TMC8: variants seen among roughly 807,000 people sequenced by gnomAD.
The protein encoded by TMC8 is transmembrane channel-like protein 8.
A neutral mutation model predicts 76.0 loss-of-function variants in TMC8; 71 were observed. The observed-to-expected ratio is 0.93, with a 90% CI of 0.77 to 1.14. The LOEUF is 1.14. TMC8 is among the 50% of genes most tolerant of loss of function. TMC8 has a pLI of 0.00. For synonymous variants in TMC8, 433 were observed against 433.8 expected, an observed-to-expected ratio of 1.00 and a Z score of 0.02; for missense variants, 924 against 947.9, an observed-to-expected ratio of 0.97 and a Z score of 0.33.
In TMC8 at chr17:78,132,260, C is replaced by T. The variant is rs1217567815; in HGVS notation, c.299-99C>T. ...CGGACTCGGGCGGGTGGGAGCCTGG[C>T]GGGCACCCCACGCCGTCCGGTGGGC... On this transcript the variant is annotated intron_variant, in intron 3 of 15. Coordinates refer to ENST00000318430, the MANE Select transcript of TMC8 (RefSeq NM_152468.5). The T allele has an allele frequency of 3.4e-6, 5 of 1,479,620 alleles. No homozygotes were observed. The South Asian group carries it at 3.5e-5, about 10-fold the overall frequency. The allele number at this position is 1,479,620 out of a possible 1,614,324, so 91.7% of individuals were successfully genotyped here.
Position 78,140,864 on chromosome 17 carries a change from G to A in TMC8, c.1933G>A (p.Asp645Asn), listed in dbSNP as rs1458623590. Residue 645 changes from aspartate to asparagine, a missense_variant, in exon 16 of 16, where the codon GAC (aspartate) becomes AAC (asparagine). Transcript: ENST00000318430. ...QVQEKWHLVEDLSRLLPEPGP... is the reference protein window; with the variant it reads ...QVQEKWHLVENLSRLLPEPGP... ...TCAGGAGAAGTGGCACCTGGTGGAG[G>A]ACCTGTCGCGACTGCTGCCGGAGCC... is the stretch of plus-strand genomic sequence containing the variant. The A allele has an allele frequency of 6.8e-6, 11 of 1,610,258 alleles. No homozygotes were observed. Among genetic ancestry groups the A allele is most frequent in the Non-Finnish European group, 9.3e-6 (11 of 1,178,974 alleles).
In TMC8 at chr17:78,141,276, G is replaced by A. The variant is rs577946168; in HGVS notation, c.*164G>A. ...CCCAGCGGCAGCAGGAAAAACATAT[G>A]GGAATTTTCTTTCTATATTTTAATC... On this transcript the variant is annotated 3_prime_UTR_variant, in exon 16 of 16. Transcript: ENST00000318430. 26 of 411,404 alleles carry A rather than the reference G, an allele frequency of 6.3e-5. No individual in the cohort carries two copies. Among genetic ancestry groups the A allele is most frequent in the Middle Eastern group, 6.0e-4 (1 of 1,660 alleles). The allele number at this position is 411,404 out of a possible 1,614,324, so 25.5% of individuals were successfully genotyped here. A position where few individuals can be genotyped will look rare whatever the true frequency, so the allele number is the denominator to read the frequency against.
At chr17:78,137,443 C>G in intron 10 of TMC8, 85 bp downstream of exon 10, 1 of 1,603,726 alleles carries the variant, frequency 6.2e-7, no homozygotes, top group Non-Finnish European at 8.5e-7. Context: ...CTGTTCCTGC[C>G]CCTTTAGTCA....
Position 78,131,541 on chromosome 17 carries a change from C to T in TMC8, c.-48C>T, listed in dbSNP as rs1460418043. The T allele has an allele frequency of 2.6e-6, 4 of 1,536,296 alleles. No individual in the cohort carries two copies. Among genetic ancestry groups the T allele is most frequent in the Non-Finnish European group, 2.6e-6 (3 of 1,146,198 alleles). ...GCTCATCCAACCGGGGACTCATATCCCCCCCACCGGCAGCCCGGCGCCCCA... is the reference window on the plus strand; with the variant it reads ...GCTCATCCAACCGGGGACTCATATCTCCCCCACCGGCAGCCCGGCGCCCCA... On this transcript the variant is annotated 5_prime_UTR_variant, in exon 2 of 16. Coordinates refer to ENST00000318430, the MANE Select transcript of TMC8 (RefSeq NM_152468.5).
Position 78,141,711 on chromosome 17 carries a change from G to A in TMC8, c.*599G>A. On this transcript the variant is annotated 3_prime_UTR_variant, in exon 16 of 16. Coordinates refer to ENST00000318430, the MANE Select transcript of TMC8 (RefSeq NM_152468.5). The stretch of plus-strand genomic sequence containing the variant: ...CTCCAGAGCCACACTGCCCCAGTGT[G>A]GGGCTTAGTGGCGGCTCCTGGCCCT... 1 of 152,300 alleles carries A rather than the reference G, an allele frequency of 6.6e-6. No individual in the cohort carries two copies. The highest frequency in any genetic ancestry group is 1.5e-5 in the Non-Finnish European group (1 of 68,062). The allele number at this position is 152,300 out of a possible 1,614,324, so 9.4% of individuals were successfully genotyped here.
chr17:78,138,002 C>T lies in TMC8; in HGVS notation c.1350-3C>T. ...GAGTACCTGGACCCTCCCATCCCTG[C>T]AGGCTGCTGGTGGACCGGTTCTCAG... is the stretch of plus-strand genomic sequence containing the variant. On this transcript the variant is annotated splice_region_variant and splice_polypyrimidine_tract_variant and intron_variant, in intron 11 of 15. Transcript: ENST00000318430. 1 of 1,613,840 alleles carries T rather than the reference C, an allele frequency of 6.2e-7. No individual in the cohort carries two copies. The highest frequency in any genetic ancestry group is 8.5e-7 in the Non-Finnish European group (1 of 1,180,012).
chr17:78,138,850 A>G, intron 14 of TMC8, 118 bp downstream of exon 14: 4 of 1,552,076 alleles, frequency 2.6e-6, no homozygotes, highest in Non-Finnish European at 3.5e-6. Flanking sequence ...AGCCAAGGGA[A>G]GCAGGGGCCT....
chr17:78,135,840 G>A (rs191499977), intron 9 of TMC8, among the ~76,000 whole-genome samples: 22 of 152,208 alleles, frequency 1.4e-4, no homozygotes, highest in Admixed American at 3.9e-4. Flanking sequence ...GATCACCTGA[G>A]GTCAGGAGTT....
In TMC8 at chr17:78,142,914, CAA is replaced by C. The variant is rs1455301727; in HGVS notation, c.*1804_*1805del. 1 of 150,772 alleles carries C rather than the reference CAA, an allele frequency of 6.6e-6. No homozygotes were observed. Among genetic ancestry groups the C allele is most frequent in the Non-Finnish European group, 1.5e-5 (1 of 67,926 alleles). The allele number at this position is 150,772 out of a possible 1,614,324, so 9.3% of individuals were successfully genotyped here. ...CTCGGTGTGCTCACCCAGGGCGAGA[CAA>C]AGACGCCATGCTCCTCCAAGTGGCC... is the stretch of plus-strand genomic sequence containing the variant. On this transcript the variant is annotated 3_prime_UTR_variant, in exon 16 of 16. Coordinates refer to ENST00000318430, the MANE Select transcript of TMC8 (RefSeq NM_152468.5).
chr17:78,133,334 G>A, intron 5 of TMC8, 72 bp from the exon 6 acceptor site: 2 of 1,610,872 alleles, frequency 1.2e-6, no homozygotes. Flanking sequence ...GGGCTAACAA[G>A]ATCATATATG....
chr17:78,137,631 A>G, intron 10 of TMC8, 86 bp from the exon 11 acceptor site: 1 of 1,288,970 alleles, frequency 7.8e-7, no homozygotes, highest in Non-Finnish European at 1.1e-6. Context: ...AGGCACCTGC[A>G]CCACAGAAAC....
chr17:78,140,071 A>G (rs2075335402), intron 15 of TMC8, among the ~76,000 whole-genome samples: 1 of 152,232 alleles, frequency 6.6e-6, no homozygotes, highest in Non-Finnish European at 1.5e-5. Context: ...AACATGGCTG[A>G]GTGCAGTGGC....
rs2075357931 is a variant in TMC8 at position 78,140,831 on chromosome 17, C to T, written c.1903-3C>T. Reference sequence around the variant, plus strand: ...CGCAACTCGCCACTTGTTCTCCTCACAGCAGGTTCAGGAGAAGTGGCACCT... The same window carrying T: ...CGCAACTCGCCACTTGTTCTCCTCATAGCAGGTTCAGGAGAAGTGGCACCT... On this transcript the variant is annotated splice_region_variant and splice_polypyrimidine_tract_variant and intron_variant, in intron 15 of 15. Transcript: ENST00000318430. 24 of 1,605,748 alleles carry T rather than the reference C, an allele frequency of 1.5e-5. No homozygotes were observed. The highest frequency in any genetic ancestry group is 2.0e-5 in the Non-Finnish European group (24 of 1,177,110).
Position 78,137,991 on chromosome 17 carries a change from T to G in TMC8, c.1350-14T>G, listed in dbSNP as rs11656593. 61,016 of 1,613,508 alleles carry G rather than the reference T, an allele frequency of 0.038. 1,453 individuals carry two copies. Among genetic ancestry groups the G allele is most frequent in the South Asian group, 0.085 (7,739 of 91,066 alleles). On this transcript the variant is annotated splice_polypyrimidine_tract_variant and intron_variant, in intron 11 of 15. Transcript: ENST00000318430. Reference sequence around the variant, plus strand: ...TCTGGAGTGGTGAGTACCTGGACCCTCCCATCCCTGCAGGCTGCTGGTGGA... The same window carrying G: ...TCTGGAGTGGTGAGTACCTGGACCCGCCCATCCCTGCAGGCTGCTGGTGGA...
At chr17:78,137,388 T>TC (rs1668989449) in intron 10 of TMC8, 30 bp downstream of exon 10, 8 of 1,613,390 alleles carry the variant, frequency 5.0e-6, no homozygotes, top group Non-Finnish European at 6.8e-6. Flanking sequence ...GGCCTGTCCC[T>TC]CCCTTCCTTC....
intron 3 of TMC8, 34 bp downstream of exon 3, chr17:78,132,064 C>G (rs571320363): frequency 6.5e-7 from 1 of 1,534,788 alleles, no homozygotes; most frequent in South Asian, 1.2e-5. Flanking sequence ...TCCCCTTGCC[C>G]TCTCTGGAGC....
chr17:78,139,069 G>T, intron 14 of TMC8, 93 bp from the exon 15 acceptor site: 1 of 1,585,536 alleles, frequency 6.3e-7, no homozygotes, highest in Non-Finnish European at 8.6e-7. Context: ...CCAGTACCGC[G>T]TATTGTAGAG....
chr17:78,136,651 T>A (rs951794084), intron 9 of TMC8: 1 of 177,194 alleles, frequency 5.6e-6, no homozygotes, highest in African/African-American at 2.4e-5. Context: ...TCGCCTGCAG[T>A]CAGGATCCTG....
intron 9 of TMC8, chr17:78,136,833 G>A (rs1160187571): frequency 5.4e-5 from 18 of 336,308 alleles, no homozygotes; most frequent in South Asian, 2.4e-4. Context: ...AGGCCAAGGC[G>A]GGTGGATCAC....
Sources: gnomAD v4.1 joint callset for allele counts (sites outside exome capture counted in the v4.1 genomes callset) on GRCh38, gnomAD v4.1.1 for gene constraint, MANE v1.5 for transcripts, NCBI Gene and HGNC (gene_info 2026-07-23, HGNC 2026-07-21) for gene names.